Variants in FHIT observed in about 807,000 individuals in gnomAD.
FHIT encodes the protein fragile histidine triad diadenosine triphosphatase.
Under a neutral mutation model 17.9 loss-of-function variants are expected in FHIT, and 19 were observed. The ratio of observed to expected loss-of-function variants is 1.06; its 90% CI spans 0.74 to 1.56. The LOEUF (loss-of-function observed/expected upper bound fraction) is 1.56, where lower values mean the gene tolerates loss of function less well. FHIT is among the 40% of genes most tolerant of loss of function. The pLI, the probability that FHIT is intolerant of heterozygous loss-of-function variation, is 0.00. For missense variants in FHIT, 248 were observed against 189.2 expected (o/e 1.31, Z -1.82); for synonymous variants, 81 against 69.7 (o/e 1.16, Z -0.81).
intron 5 of FHIT, among the ~76,000 whole-genome samples, chr3:60,295,916 C>T (rs549776139): frequency 4.6e-5 from 7 of 152,174 alleles, no homozygotes; most frequent in Admixed American, 1.3e-4. Flanking sequence ...ATGATTCCCA[C>T]GTGTTGTGGG....
chr3:60,638,538 C>G (rs574606491), intron 4 of FHIT, among the ~76,000 whole-genome samples: 2 of 152,094 alleles, frequency 1.3e-5, no homozygotes, highest in African/African-American at 4.8e-5. Flanking sequence ...TCTTAATGTT[C>G]AGGTCGTGTA....
At chr3:60,276,847 T>C (rs187824012) in intron 5 of FHIT, among the ~76,000 whole-genome samples, 3 of 152,032 alleles carry the variant, frequency 2.0e-5, no homozygotes, top group Non-Finnish European at 4.4e-5. Context: ...CAGCCTCTTT[T>C]AAACAGCCAG....
rs542615156 is a variant in FHIT, at chr3:61,037,409, T to C, written c.-111+4638A>G. Reference sequence around the variant, plus strand: ...AGTGTTTCCCAAAGCCTGGCACATATACCACTGGGAGTATACCAGATGATA... The same window carrying C: ...AGTGTTTCCCAAAGCCTGGCACATACACCACTGGGAGTATACCAGATGATA... On this transcript the variant is annotated intron_variant, in intron 3 of 9. Transcript: ENST00000492590. 3.3e-5 allele frequency among the ~76,000 whole-genome samples: 5 copies of C among 152,326 alleles called. No homozygotes were observed. The East Asian group carries it at 9.6e-4, about 29-fold the overall frequency.
intron 5 of FHIT, among the ~76,000 whole-genome samples, chr3:60,421,630 A>C (rs573172371): frequency 6.6e-6 from 1 of 152,250 alleles, no homozygotes; most frequent in South Asian, 2.1e-4. Context: ...GTATTATGAT[A>C]TTTATTACAT....
intron 2 of FHIT, among the ~76,000 whole-genome samples, chr3:61,166,269 G>T (rs1361474047): frequency 1.3e-5 from 2 of 152,184 alleles, no homozygotes; most frequent in Non-Finnish European, 2.9e-5. Context: ...TAGTGGACTT[G>T]CCCAAAGTCA....
intron 5 of FHIT, among the ~76,000 whole-genome samples, chr3:60,072,688 A>C (rs1702830317): frequency 6.6e-6 from 1 of 152,224 alleles, no homozygotes; most frequent in African/African-American, 2.4e-5. Context: ...AGATTTAAAC[A>C]TAGGCAGTGT....
intron 5 of FHIT, among the ~76,000 whole-genome samples, chr3:60,511,133 T>C (rs2611402): frequency 6.6e-6 from 1 of 152,184 alleles, no homozygotes; most frequent in African/African-American, 2.4e-5. Context: ...TTACTTTCAG[T>C]GAGACTTTGC....
chr3:59,981,502 G>T (rs1372979447), intron 7 of FHIT, among the ~76,000 whole-genome samples: 6 of 152,090 alleles, frequency 3.9e-5, no homozygotes, highest in African/African-American at 1.4e-4. Context: ...CATCAGTGGG[G>T]ACGTGAAAAA....
At chr3:61,196,681 G>A (rs946770263) in intron 2 of FHIT, among the ~76,000 whole-genome samples, 5 of 152,176 alleles carry the variant, frequency 3.3e-5, no homozygotes, top group African/African-American at 1.2e-4. Context: ...GGATGGTCTA[G>A]TGTGCTGGAC....
At chr3:60,221,949 G>T (rs181787735) in intron 5 of FHIT, among the ~76,000 whole-genome samples, 6 of 151,842 alleles carry the variant, frequency 4.0e-5, no homozygotes, top group Non-Finnish European at 8.8e-5. Context: ...TATAAATGTG[G>T]GTATGCACAC....
At chr3:60,991,593 G>C (rs2030222288) in intron 3 of FHIT, among the ~76,000 whole-genome samples, 1 of 152,132 alleles carries the variant, frequency 6.6e-6, no homozygotes, top group South Asian at 2.1e-4. Context: ...CATAGTGCTA[G>C]TCAGAAAACC....
intron 5 of FHIT, among the ~76,000 whole-genome samples, chr3:60,427,944 A>G (rs981015145): frequency 5.3e-5 from 8 of 152,132 alleles, no homozygotes; most frequent in Non-Finnish European, 1.0e-4. Context: ...CATCACTAGG[A>G]CATTCTTCCT....
intron 7 of FHIT, among the ~76,000 whole-genome samples, chr3:59,962,527 G>A (rs940669284): frequency 5.9e-5 from 9 of 152,174 alleles, no homozygotes; most frequent in South Asian, 4.1e-4. Context: ...AGGGGAGGGA[G>A]TCTGTTAGGA....
chr3:60,890,149 A>G (rs1184869432), intron 3 of FHIT, among the ~76,000 whole-genome samples: 1 of 149,392 alleles, frequency 6.7e-6, no homozygotes, highest in East Asian at 1.9e-4. Flanking sequence ...ACAGTGTTCT[A>G]CTTCCAGGTA....
chr3:60,940,385 C>T (rs1445523683), intron 3 of FHIT, among the ~76,000 whole-genome samples: 1 of 149,336 alleles, frequency 6.7e-6, no homozygotes, highest in Non-Finnish European at 1.5e-5. Context: ...ATTTTCAAAG[C>T]TGCAATGTAA....
intron 5 of FHIT, among the ~76,000 whole-genome samples, chr3:60,183,394 T>A (rs1702025903): frequency 6.6e-6 from 1 of 152,102 alleles, no homozygotes; most frequent in Non-Finnish European, 1.5e-5. Flanking sequence ...TGAGACTCTG[T>A]CTCAAACAAA....
chr3:60,034,384 G>A (rs1280012486), intron 5 of FHIT, among the ~76,000 whole-genome samples: 1 of 152,124 alleles, frequency 6.6e-6, no homozygotes, highest in East Asian at 1.9e-4. Context: ...TCAAGTAGGA[G>A]ACTAAAACGT....
intron 4 of FHIT, among the ~76,000 whole-genome samples, chr3:60,652,198 A>G (rs1415939769): frequency 1.3e-5 from 2 of 152,194 alleles, no homozygotes; most frequent in Admixed American, 6.5e-5. Context: ...AATATGTAAC[A>G]TTGACCACCC....
At chr3:60,246,632 T>C (rs1233369654) in intron 5 of FHIT, among the ~76,000 whole-genome samples, 1 of 152,166 alleles carries the variant, frequency 6.6e-6, no homozygotes, top group African/African-American at 2.4e-5. Flanking sequence ...CTGTCTCCAG[T>C]TGGAGTGGAG....
Sources: allele counts gnomAD v4.1 joint callset (sites outside exome capture counted in the v4.1 genomes callset), GRCh38; gene constraint gnomAD v4.1.1; transcripts MANE v1.5; gene names NCBI Gene and HGNC (gene_info 2026-07-23, HGNC 2026-07-21).